The following ACYP2 variants were observed in gnomAD, a reference collection of about 807,000 sequenced individuals.
The protein encoded by ACYP2 is acylphosphatase-2.
ACYP2 carries 12 observed loss-of-function variants against 11.2 expected under a neutral mutation model. That is an observed-to-expected ratio of 1.08 (90% confidence interval 0.69 to 1.74). The LOEUF (loss-of-function observed/expected upper bound fraction) is 1.74. ACYP2 is among the 40% of genes most tolerant of loss of function. The pLI, the probability that ACYP2 is intolerant of heterozygous loss-of-function variation, is 0.00. For missense variants in ACYP2, 134 were observed against 101.9 expected, an observed-to-expected ratio of 1.31 and a Z score of -1.35; for synonymous variants, 43 against 32.2, an observed-to-expected ratio of 1.33 and a Z score of -1.13.
At chr2:54,041,793 G>GCATTTTTTT (rs1464491724) in intron 2 of ACYP2, among the ~76,000 whole-genome samples, 5 of 138,530 alleles carry the variant, frequency 3.6e-5, no homozygotes, top group African/African-American at 1.2e-4. Flanking sequence ...CACTTAGAAT[G>GCATTTTTTT]CATTTTTTTC....
At chr2:54,123,102 C>A in intron 4 of ACYP2, 1 of 349,882 alleles carries the variant, frequency 2.9e-6, no homozygotes, top group Non-Finnish European at 5.1e-6. Flanking sequence ...GTGCATGTTT[C>A]TCCTTCTAAA....
intron 6 of ACYP2, among the ~76,000 whole-genome samples, chr2:54,303,731 G>A (rs1308949909): frequency 6.6e-6 from 1 of 152,132 alleles, no homozygotes; most frequent in Non-Finnish European, 1.5e-5. Context: ...ATATCATACT[G>A]CATAGCTGTC....
intron 4 of ACYP2, among the ~76,000 whole-genome samples, chr2:54,070,786 GA>G (rs1676996365): frequency 6.6e-6 from 1 of 150,520 alleles, no homozygotes; most frequent in Admixed American, 6.6e-5. Context: ...ACCCAGGCTG[GA>G]GTGCAGTGGC....
intron 6 of ACYP2, among the ~76,000 whole-genome samples, chr2:54,297,126 T>C (rs1202315492): frequency 1.3e-5 from 2 of 152,004 alleles, no homozygotes; most frequent in Non-Finnish European, 2.9e-5. Flanking sequence ...TTTTTTTTTT[T>C]CATTCTTTTG....
chr2:53,991,369 A>T (rs1672284708), intron 2 of ACYP2, among the ~76,000 whole-genome samples: 1 of 151,726 alleles, frequency 6.6e-6, no homozygotes. Flanking sequence ...TTGGATACAT[A>T]CCTAGGCATA....
chr2:54,296,352 A>C (rs981944473), intron 6 of ACYP2, among the ~76,000 whole-genome samples: 1 of 152,178 alleles, frequency 6.6e-6, no homozygotes, highest in Admixed American at 6.5e-5. Context: ...TGTACTCAAG[A>C]ATTAGAATGC....
chr2:53,992,714 C>T (rs1002509111), intron 2 of ACYP2, among the ~76,000 whole-genome samples: 5 of 151,320 alleles, frequency 3.3e-5, no homozygotes, highest in Non-Finnish European at 7.4e-5. Context: ...ACCTGTAGTC[C>T]GAGCTACTTG....
intron 6 of ACYP2, among the ~76,000 whole-genome samples, chr2:54,151,110 G>C (rs891547489): frequency 3.3e-5 from 5 of 151,502 alleles, no homozygotes; most frequent in African/African-American, 1.2e-4. Context: ...TCAAGAGTTA[G>C]AATTAGAATA....
intron 6 of ACYP2, among the ~76,000 whole-genome samples, chr2:54,276,386 A>C (rs1688571580): frequency 6.6e-6 from 1 of 152,134 alleles, no homozygotes; most frequent in East Asian, 1.9e-4. Flanking sequence ...CAATGTTATA[A>C]CACTTATTTA....
At chr2:54,135,801 C>T (rs10173565) in intron 5 of ACYP2, among the ~76,000 whole-genome samples, 9 of 152,124 alleles carry the variant, frequency 5.9e-5, no homozygotes, top group African/African-American at 2.2e-4. Flanking sequence ...CTCTAGGCAA[C>T]GGTACATATG....
At chr2:54,044,183 CACAA>C (rs1171909439) in intron 2 of ACYP2, among the ~76,000 whole-genome samples, 1 of 152,296 alleles carries the variant, frequency 6.6e-6, no homozygotes, top group Admixed American at 6.5e-5. Flanking sequence ...CCATACACAC[CACAA>C]ACAGACTCCC....
intron 3 of ACYP2, among the ~76,000 whole-genome samples, chr2:54,056,677 G>A (rs1676170039): frequency 6.6e-6 from 1 of 152,052 alleles, no homozygotes; most frequent in Non-Finnish European, 1.5e-5. Context: ...TCCCATGGAA[G>A]GGCTTATCTT....
intron 2 of ACYP2, among the ~76,000 whole-genome samples, chr2:54,018,922 A>T (rs894475201): frequency 1.3e-5 from 2 of 151,440 alleles, no homozygotes; most frequent in Non-Finnish European, 2.9e-5. Flanking sequence ...TAATTTTTGT[A>T]TTTTTCGAAG....
At chr2:54,220,336 T>C (rs1685751481) in intron 6 of ACYP2, among the ~76,000 whole-genome samples, 1 of 152,186 alleles carries the variant, frequency 6.6e-6, no homozygotes, top group Non-Finnish European at 1.5e-5. Flanking sequence ...TTGTGTGCTT[T>C]TGACTAAATG....
In ACYP2 at chr2:54,147,638, C is replaced by T. The variant is rs551545156; in HGVS notation, c.404+8890C>T. 1.7e-4 allele frequency among the ~76,000 whole-genome samples: 26 copies of T among 152,264 alleles called. 1 individual carries two copies. The highest frequency in any genetic ancestry group is 1.5e-3 in the Admixed American group (23 of 15,290). On this transcript the variant is annotated intron_variant, in intron 6 of 6. Coordinates refer to ENST00000607452, the MANE Select transcript of ACYP2 (RefSeq NM_001320586.2). The stretch of plus-strand genomic sequence containing the variant: ...CTCCTGGGCTCAAGTGATCCTCTTA[C>T]CTCAGCCTCCCGAGTAGCTAGGACT...
intron 6 of ACYP2, chr2:54,267,237 C>T (rs1027712505): frequency 6.6e-7 from 1 of 1,521,596 alleles, no homozygotes; most frequent in East Asian, 2.5e-5. Flanking sequence ...CAAAGAAGCT[C>T]CCAATAAAAA....
intron 6 of ACYP2, among the ~76,000 whole-genome samples, chr2:54,242,085 T>C (rs1261481211): frequency 6.6e-6 from 1 of 152,196 alleles, no homozygotes; most frequent in African/African-American, 2.4e-5. Context: ...ATACGCGTAG[T>C]AAAAGTGCAG....
intron 6 of ACYP2, among the ~76,000 whole-genome samples, chr2:54,144,310 A>G (rs1207774528): frequency 6.6e-6 from 1 of 152,038 alleles, no homozygotes; most frequent in East Asian, 1.9e-4. Context: ...ATGTTCTTGG[A>G]TTCCTTTTTA....
intron 6 of ACYP2, among the ~76,000 whole-genome samples, chr2:54,273,387 G>T (rs1366230560): frequency 1.3e-5 from 2 of 152,164 alleles, no homozygotes; most frequent in Non-Finnish European, 2.9e-5. Context: ...CCCCTAGAAG[G>T]CATAGAATCT....
Sources: allele counts gnomAD v4.1 joint callset (sites outside exome capture counted in the v4.1 genomes callset), GRCh38; gene constraint gnomAD v4.1.1; transcripts MANE v1.5; gene names NCBI Gene and HGNC (gene_info 2026-07-23, HGNC 2026-07-21).